The following LRP4 variants were observed in gnomAD, a reference collection of about 807,000 sequenced individuals.
LRP4 encodes the protein LDL receptor related protein 4, also known as low-density lipoprotein receptor-related protein 4.
Under a neutral mutation model 220.3 loss-of-function variants are expected in LRP4, and 95 were observed. That is an observed-to-expected ratio of 0.43 (90% confidence interval 0.37 to 0.51). The LOEUF is 0.51. Ranked by LOEUF, LRP4 falls within the 20% of genes least tolerant of loss-of-function variation. LRP4 has a pLI of 0.00. For synonymous variants in LRP4, 903 were observed against 954.6 expected, an observed-to-expected ratio of 0.95 and a Z score of 1.00; for missense variants, 1,925 against 2,567.0, an observed-to-expected ratio of 0.75 and a Z score of 5.40.
chr11:46,871,506 C>G lies in LRP4; in HGVS notation c.4692+19G>C. 6.4e-7 allele frequency: 1 copy of G among 1,551,194 alleles called. No individual in the cohort carries two copies. The highest frequency in any genetic ancestry group is 2.3e-5 in the East Asian group (1 of 44,270). ...ATCCCAGTCAAGGAGGTTTAGTTAC[C>G]TCTCTCCTGAGCCAGTACCTGTGTG... On this transcript the variant is annotated intron_variant, in intron 31 of 37. Transcript: ENST00000378623.
chr11:46,917,566 G>C (rs985509045), intron 1 of LRP4, among the ~76,000 whole-genome samples: 23 of 152,154 alleles, frequency 1.5e-4, no homozygotes, highest in African/African-American at 5.6e-4. Context: ...CTGCCTTCTG[G>C]GGTTCAGGGT....
intron 1 of LRP4, among the ~76,000 whole-genome samples, chr11:46,907,679 T>C (rs747046594): frequency 1.4e-4 from 21 of 152,112 alleles, no homozygotes; most frequent in Admixed American, 3.3e-4. Context: ...AAGGGAAACA[T>C]CCATCTGGTA....
intron 12 of LRP4, among the ~76,000 whole-genome samples, chr11:46,893,621 T>C (rs901691030): frequency 1.3e-5 from 2 of 152,208 alleles, no homozygotes; most frequent in Non-Finnish European, 2.9e-5. Flanking sequence ...TGTTTCGAGA[T>C]GGAGTCTCAC....
At chr11:46,891,672 G>A in intron 13 of LRP4, among the ~76,000 whole-genome samples, 1 of 152,022 alleles carries the variant, frequency 6.6e-6, no homozygotes, top group East Asian at 1.9e-4. Flanking sequence ...CAGGAGTGCA[G>A]TGCCATAATC....
At position 46,865,097 on chromosome 11, in the gene LRP4, C is replaced by G. The variant is rs750215807; in HGVS notation, c.5155+22G>C. The G allele has an allele frequency of 1.1e-4, 173 of 1,554,078 alleles. 1 individual carries two copies. The South Asian group carries it at 1.9e-3, about 17-fold the overall frequency. ...ATTCATTACATCTTCTTTTCCGGAA[C>G]AGTGGGGTACTCAGGGCTTACCTGG... On this transcript the variant is annotated intron_variant, in intron 35 of 37. Transcript: ENST00000378623.
At chr11:46,862,068 CAAAAA>C (rs35296081) in intron 37 of LRP4, among the ~76,000 whole-genome samples, 1 of 63,702 alleles carries the variant, frequency 1.6e-5, no homozygotes, top group Non-Finnish European at 3.0e-5. Context: ...AACTCTGTCT[CAAAAA>C]AAAAAAAAAA....
intron 28 of LRP4, 28 bp downstream of exon 28, chr11:46,874,772 C>G (rs758918135): frequency 1.2e-6 from 2 of 1,610,228 alleles, no homozygotes; most frequent in Admixed American, 3.3e-5. Context: ...AAATCTGTGT[C>G]TTCTGGAGGT....
intron 16 of LRP4, among the ~76,000 whole-genome samples, chr11:46,888,101 G>A (rs1209625657): frequency 6.6e-6 from 1 of 150,654 alleles, no homozygotes; most frequent in South Asian, 2.1e-4. Flanking sequence ...AGGCGGGCAG[G>A]TCATGAGGTC....
At chr11:46,882,124 G>C (rs1449668603) in intron 19 of LRP4, among the ~76,000 whole-genome samples, 1 of 152,176 alleles carries the variant, frequency 6.6e-6, no homozygotes, top group African/African-American at 2.4e-5. Context: ...AGAGCCCACA[G>C]CTTAAGCAAA....
intron 16 of LRP4, 24 bp downstream of exon 16, chr11:46,889,387 G>A: frequency 6.2e-7 from 1 of 1,613,518 alleles, no homozygotes; most frequent in Non-Finnish European, 8.5e-7. Context: ...CCTCCATGGA[G>A]GCTGGTGTTG....
chr11:46,915,892 G>A (rs1009749143), intron 1 of LRP4, among the ~76,000 whole-genome samples: 2 of 152,126 alleles, frequency 1.3e-5, no homozygotes, highest in African/African-American at 4.8e-5. Context: ...TATCACAACT[G>A]CTGTCTCCCT....
intron 3 of LRP4, 53 bp from the exon 4 acceptor site, chr11:46,900,029 G>C: frequency 2.8e-6 from 4 of 1,438,940 alleles, no homozygotes. Context: ...CTGGTGCCTG[G>C]AAGCCTGACT....
chr11:46,905,671 T>C (rs540943418), intron 1 of LRP4, among the ~76,000 whole-genome samples: 160 of 151,930 alleles, frequency 1.1e-3, no homozygotes, highest in African/African-American at 3.5e-3. Flanking sequence ...GCCAATGTGG[T>C]GAAACCCCCG....
chr11:46,871,714 C>G (rs1940869742), intron 30 of LRP4, 81 bp from the exon 31 acceptor site: 2 of 917,648 alleles, frequency 2.2e-6, no homozygotes, highest in African/African-American at 3.3e-5. Context: ...CTGTTTGTCC[C>G]CTCCTGAGCT....
At chr11:46,868,144 A>C in intron 33 of LRP4, 30 bp from the exon 34 acceptor site, 1 of 1,613,686 alleles carries the variant, frequency 6.2e-7, no homozygotes, top group South Asian at 1.1e-5. Context: ...GGAGTGGGCC[A>C]CTGGAACCAT....
chr11:46,900,127 C>G (rs879157289), intron 3 of LRP4, 135 bp downstream of exon 3: 1 of 958,282 alleles, frequency 1.0e-6, no homozygotes, highest in Non-Finnish European at 1.7e-6. Context: ...TATCTGACTT[C>G]GAGAGGAAGT....
chr11:46,890,408 GTATCGGCAAT>G lies in LRP4; in HGVS notation c.1774_1783del (p.Ile592ProfsTer216), dbSNP rs766241715. ...GAGGCCATTGGGCCAGAAGAGATGG[GTATCGGCAAT>G]GATGCGGCGTCCAGAGCCATCCATG... is the stretch of plus-strand genomic sequence containing the variant. On this transcript the variant is annotated frameshift_variant, in exon 14 of 38. Transcript: ENST00000378623. LOFTEE classifies it high-confidence loss of function. This position sits in a 1 kb window ranked among gnomAD's most constrained non-coding sequence, Gnocchi z 5.3. 1 of 1,614,164 alleles carries G rather than the reference GTATCGGCAAT, an allele frequency of 6.2e-7. No individual in the cohort carries two copies.
At chr11:46,882,294 CA>C (rs1941179730) in intron 19 of LRP4, among the ~76,000 whole-genome samples, 1 of 151,558 alleles carries the variant, frequency 6.6e-6, no homozygotes, top group African/African-American at 2.4e-5. Flanking sequence ...CCAGCCTGGG[CA>C]ACATAGTAGG....
chr11:46,886,448 G>A lies in LRP4; in HGVS notation c.2301C>T (p.Ile767=), dbSNP rs1592533162. 2 of 1,614,082 alleles carry A rather than the reference G, an allele frequency of 1.2e-6. No individual in the cohort carries two copies. The highest frequency in any genetic ancestry group is 8.5e-7 in the Non-Finnish European group (1 of 1,179,998). ...FDTEDLSDDV[I]PLADVRSAVA... ...CAGCACTGCGCACGTCAGCCAGTGG[G>A]ATGACATCATCAGACAGGTCCTCTG... Residue 767 remains isoleucine, a synonymous_variant, in exon 17 of 38, where the codon ATC becomes ATT. Transcript: ENST00000378623.
Sources: allele counts gnomAD v4.1 joint callset (sites outside exome capture counted in the v4.1 genomes callset), GRCh38; gene constraint gnomAD v4.1.1; non-coding constraint Gnocchi (gnomAD v3.1); transcripts MANE v1.5; gene names NCBI Gene and HGNC (gene_info 2026-07-23, HGNC 2026-07-21).